CDK5RAP2: variants seen among roughly 807,000 people sequenced by gnomAD.
CDK5RAP2 encodes the protein CDK5 regulatory subunit-associated protein 2.
Under a neutral mutation model 232.9 loss-of-function variants are expected in CDK5RAP2, and 147 were observed. The ratio of observed to expected loss-of-function variants is 0.63; its 90% CI spans 0.55 to 0.72. The LOEUF is 0.72. CDK5RAP2 is among the 30% of genes least tolerant of loss of function. The pLI is 0.00. For missense variants in CDK5RAP2, 2,195 were observed against 2,231.5 expected (o/e 0.98, Z 0.33); for synonymous variants, 833 against 833.7 (o/e 1.00, Z 0.01).
In CDK5RAP2 at chr9:120,457,791, T is replaced by C. The variant is rs1588391677; in HGVS notation, c.2375+659A>G. Among the ~76,000 whole-genome samples, 3 of 152,264 alleles carry C rather than the reference T, an allele frequency of 2.0e-5. No homozygotes were observed. In the East Asian group the frequency reaches 5.8e-4, roughly 29 times the overall value. ...AAATGCCAGCCATTTTTCTTAAACG[T>C]TTTTTTCTTATTCATCACAGCAACC... On this transcript the variant is annotated intron_variant, in intron 20 of 37. Transcript: ENST00000349780.
intron 26 of CDK5RAP2, among the ~76,000 whole-genome samples, chr9:120,421,268 T>C (rs1431988299): frequency 6.6e-6 from 1 of 152,106 alleles, no homozygotes; most frequent in Non-Finnish European, 1.5e-5. Context: ...CTCTCACCCT[T>C]TAGATCTCAG....
chr9:120,395,482 T>C (rs1458538977), intron 35 of CDK5RAP2, among the ~76,000 whole-genome samples: 1 of 152,258 alleles, frequency 6.6e-6, no homozygotes, highest in Non-Finnish European at 1.5e-5. Context: ...TCCCCAGTGC[T>C]CTGAGGTGAC....
At chr9:120,538,192 A>G (rs1304219276) in intron 6 of CDK5RAP2, among the ~76,000 whole-genome samples, 2 of 152,174 alleles carry the variant, frequency 1.3e-5, no homozygotes, top group East Asian at 3.9e-4. Flanking sequence ...CCAAGACGAC[A>G]ATTTAAGGGC....
In CDK5RAP2 at chr9:120,486,875, A is replaced by C. The variant is rs537790010; in HGVS notation, c.1626+419T>G. On this transcript the variant is annotated intron_variant, in intron 14 of 37. Coordinates refer to ENST00000349780, the MANE Select transcript of CDK5RAP2 (RefSeq NM_018249.6). ...AGAGAGGTACAAACATGGTGTTTTC[A>C]GGAATCTATAAGAAATTTGCTATTG... is the stretch of plus-strand genomic sequence containing the variant. Among the ~76,000 whole-genome samples, 3 of 152,334 alleles carry C rather than the reference A, an allele frequency of 2.0e-5. No individual in the cohort carries two copies. The South Asian group carries it at 6.2e-4, about 32-fold the overall frequency.
intron 16 of CDK5RAP2, among the ~76,000 whole-genome samples, chr9:120,470,475 T>C (rs2037635513): frequency 6.6e-6 from 1 of 152,218 alleles, no homozygotes; most frequent in African/African-American, 2.4e-5. Flanking sequence ...TGTGGCCAAC[T>C]GTGAATTATA....
intron 3 of CDK5RAP2, among the ~76,000 whole-genome samples, chr9:120,553,387 C>T (rs923072879): frequency 6.6e-6 from 1 of 152,194 alleles, no homozygotes; most frequent in African/African-American, 2.4e-5. Context: ...CTTCTATCAC[C>T]ATGTTTAAAT....
At chr9:120,443,416 G>A (rs1370983920) in intron 23 of CDK5RAP2, among the ~76,000 whole-genome samples, 2 of 152,160 alleles carry the variant, frequency 1.3e-5, no homozygotes, top group Non-Finnish European at 2.9e-5. Flanking sequence ...ACATCCTACT[G>A]TACCTTGACT....
rs1025580393 is a variant in CDK5RAP2, at chr9:120,527,985, A to T, written c.880-60T>A. On this transcript the variant is annotated intron_variant, in intron 9 of 37. Transcript: ENST00000349780. ...TGCGTTCCAACCAAAATGCACCATA[A>T]ATATATCTTTAAGAGCACACTCAAA... 4.4e-6 allele frequency: 7 copies of T among 1,598,120 alleles called. No individual in the cohort carries two copies. In the East Asian group the frequency reaches 1.6e-4, roughly 36 times the overall value.
intron 25 of CDK5RAP2, among the ~76,000 whole-genome samples, chr9:120,423,227 G>A (rs957349665): frequency 2.0e-5 from 3 of 151,878 alleles, no homozygotes; most frequent in South Asian, 2.1e-4. Context: ...ATTTGCTTCC[G>A]AAACATCATT....
intron 25 of CDK5RAP2, among the ~76,000 whole-genome samples, chr9:120,428,029 G>C (rs2035031375): frequency 6.6e-6 from 1 of 152,136 alleles, no homozygotes; most frequent in African/African-American, 2.4e-5. Context: ...CGAAATGAAG[G>C]CAGAAATAAA....
chr9:120,446,993 C>T (rs557949297), intron 22 of CDK5RAP2, among the ~76,000 whole-genome samples: 64 of 152,326 alleles, frequency 4.2e-4, no homozygotes, highest in African/African-American at 1.5e-3. Context: ...ACCCTACACA[C>T]ACACACAAGA....
At chr9:120,479,564 C>T (rs190008991) in intron 14 of CDK5RAP2, among the ~76,000 whole-genome samples, 22 of 152,332 alleles carry the variant, frequency 1.4e-4, no homozygotes, top group Admixed American at 2.6e-4. Flanking sequence ...AAGAACATAG[C>T]ATCGCTACTG....
At chr9:120,499,452 ATTTT>A (rs747455988) in intron 12 of CDK5RAP2, among the ~76,000 whole-genome samples, 1 of 152,224 alleles carries the variant, frequency 6.6e-6, no homozygotes, top group Non-Finnish European at 1.5e-5. Context: ...ATTATAGATG[ATTTT>A]TTTAATTGTG....
At chr9:120,533,970 A>C (rs1203646465) in intron 7 of CDK5RAP2, among the ~76,000 whole-genome samples, 2 of 152,030 alleles carry the variant, frequency 1.3e-5, no homozygotes, top group African/African-American at 2.4e-5. Flanking sequence ...TTTGGTCACC[A>C]TCAGCTCTTT....
At chr9:120,454,850 C>A (rs952942890) in intron 20 of CDK5RAP2, among the ~76,000 whole-genome samples, 3 of 152,192 alleles carry the variant, frequency 2.0e-5, no homozygotes, top group Non-Finnish European at 2.9e-5. Flanking sequence ...GTAACCAGAT[C>A]ATTATTGCAC....
At chr9:120,443,792 G>A (rs772616668) in intron 22 of CDK5RAP2, 50 bp from the exon 23 acceptor site, 1 of 1,610,848 alleles carries the variant, frequency 6.2e-7, no homozygotes, top group East Asian at 2.2e-5. Flanking sequence ...CGTAAGACCT[G>A]AAACTTAGCC....
intron 12 of CDK5RAP2, among the ~76,000 whole-genome samples, chr9:120,496,471 G>A (rs2039248899): frequency 2.2e-5 from 3 of 136,426 alleles, no homozygotes; most frequent in South Asian, 2.4e-4. Context: ...GAAGTGAGGA[G>A]CCCCTCTGCC....
chr9:120,430,064 A>G (rs371278879), intron 25 of CDK5RAP2, among the ~76,000 whole-genome samples: 1 of 152,240 alleles, frequency 6.6e-6, no homozygotes. Flanking sequence ...CCATATGTAG[A>G]AAGCTGAAAC....
intron 17 of CDK5RAP2, 73 bp from the exon 18 acceptor site, chr9:120,468,070 ACAGCCCTAT>A (rs1436108468): frequency 6.6e-7 from 1 of 1,511,842 alleles, no homozygotes; most frequent in African/African-American, 1.4e-5. Flanking sequence ...GCAGCCCCAG[ACAGCCCTAT>A]CAAGCGACTC....
Sources: allele counts gnomAD v4.1 joint callset (sites outside exome capture counted in the v4.1 genomes callset), GRCh38; gene constraint gnomAD v4.1.1; transcripts MANE v1.5; gene names NCBI Gene and HGNC (gene_info 2026-07-23, HGNC 2026-07-21).